The following ARMH3 variants were observed in gnomAD, a reference collection of about 807,000 sequenced individuals.
ARMH3 encodes armadillo like helical domain containing 3.
Under a neutral mutation model 99.1 loss-of-function variants are expected in ARMH3, and 60 were observed. That is an observed-to-expected ratio of 0.61 (90% confidence interval 0.49 to 0.75). The LOEUF (loss-of-function observed/expected upper bound fraction) is 0.75, where lower values mean the gene tolerates loss of function less well. Among genes scored for constraint, ARMH3 ranks in the 30% least tolerant of loss-of-function variants. The pLI is 0.00. For synonymous variants in ARMH3, 285 were observed against 292.8 expected (o/e 0.97, Z 0.27); for missense variants, 679 against 843.1 (o/e 0.81, Z 2.41).
chr10:101,939,471 A>G (rs949318056), intron 23 of ARMH3, among the ~76,000 whole-genome samples: 1 of 152,226 alleles, frequency 6.6e-6, no homozygotes, highest in Non-Finnish European at 1.5e-5. Context: ...CCATAAATAG[A>G]AATAGTCACG....
At chr10:101,932,815 A>T (rs867555262) in intron 23 of ARMH3, among the ~76,000 whole-genome samples, 5 of 152,222 alleles carry the variant, frequency 3.3e-5, no homozygotes, top group Non-Finnish European at 7.3e-5. Flanking sequence ...GAAGAAAAAG[A>T]AGTAGCCCTG....
chr10:102,048,106 G>A lies in ARMH3; in HGVS notation c.-12+7979C>T, dbSNP rs1230063560. On this transcript the variant is annotated intron_variant, in intron 1 of 25. Transcript: ENST00000370033. The stretch of plus-strand genomic sequence containing the variant: ...CCAGCCTTAAACCAGACTTGGAAAA[G>A]GAAGGAGTATCTAGACAGATGATAC... Among the ~76,000 whole-genome samples the A allele has an allele frequency of 2.6e-5, 4 of 152,332 alleles. No individual in the cohort carries two copies. The East Asian group carries it at 7.7e-4, about 29-fold the overall frequency.
chr10:101,870,411 GA>G (rs780112720), intron 24 of ARMH3, among the ~76,000 whole-genome samples: 27 of 152,128 alleles, frequency 1.8e-4, no homozygotes, highest in Non-Finnish European at 3.8e-4. Context: ...ATTTTACTTT[GA>G]AACACATTAA....
chr10:101,981,897 T>C (rs1483237097), intron 19 of ARMH3, among the ~76,000 whole-genome samples: 1 of 151,770 alleles, frequency 6.6e-6, no homozygotes, highest in African/African-American at 2.4e-5. Context: ...TGGGTGCCTG[T>C]AGTCCCAGGT....
chr10:101,900,724 GT>G (rs2067953599), intron 23 of ARMH3, among the ~76,000 whole-genome samples: 1 of 152,212 alleles, frequency 6.6e-6, no homozygotes. Context: ...GCTTATGCCT[GT>G]AATCCCAACA....
At chr10:101,985,250 G>GTA (rs773632171) in intron 19 of ARMH3, among the ~76,000 whole-genome samples, 13 of 146,536 alleles carry the variant, frequency 8.9e-5, no homozygotes, top group South Asian at 2.1e-4. Context: ...ATATACGTGT[G>GTA]TATATATATG....
At chr10:101,906,517 T>C (rs1196537835) in intron 23 of ARMH3, among the ~76,000 whole-genome samples, 1 of 152,156 alleles carries the variant, frequency 6.6e-6, no homozygotes, top group Admixed American at 6.5e-5. Flanking sequence ...TGAAATAAAA[T>C]AGTGGTTGTA....
Position 101,909,190 on chromosome 10 carries a change from T to C in ARMH3, c.1782-19700A>G, listed in dbSNP as rs1454156222. On this transcript the variant is annotated intron_variant, in intron 23 of 25. Coordinates refer to ENST00000370033, the MANE Select transcript of ARMH3 (RefSeq NM_024541.3). ...GGGAGATCGAGGCGGGCAGATCACT[T>C]GAGGCCAGGAGTTGGAGACCAGCCT... Among the ~76,000 whole-genome samples the C allele has an allele frequency of 2.6e-5, 4 of 151,726 alleles. No individual in the cohort carries two copies. The East Asian group carries it at 5.9e-4, about 23-fold the overall frequency.
chr10:102,053,040 ATCAATCTCAGAAG>A (rs1237831611), intron 1 of ARMH3, among the ~76,000 whole-genome samples: 1 of 152,204 alleles, frequency 6.6e-6, no homozygotes, highest in Admixed American at 6.5e-5. Flanking sequence ...AAGAAGTTGA[ATCAATCTCAGAAG>A]TACAGTATTT....
chr10:102,031,472 T>C (rs1283046331), intron 4 of ARMH3, among the ~76,000 whole-genome samples: 1 of 152,254 alleles, frequency 6.6e-6, no homozygotes, highest in Non-Finnish European at 1.5e-5. Flanking sequence ...CAATGAGCAC[T>C]GCAATTACTG....
intron 20 of ARMH3, among the ~76,000 whole-genome samples, chr10:101,964,362 G>C (rs1366565093): frequency 1.3e-5 from 2 of 152,096 alleles, no homozygotes; most frequent in Non-Finnish European, 2.9e-5. Context: ...ACTGGCCTAA[G>C]ATAATTAAAC....
chr10:102,019,789 G>T (rs1027731994), intron 8 of ARMH3, among the ~76,000 whole-genome samples: 6 of 151,902 alleles, frequency 3.9e-5, no homozygotes, highest in Non-Finnish European at 8.8e-5. Context: ...TTAGCCGGGC[G>T]TGGTGGCAGG....
At chr10:101,897,100 C>T (rs532368354) in intron 23 of ARMH3, among the ~76,000 whole-genome samples, 1 of 152,096 alleles carries the variant, frequency 6.6e-6, no homozygotes, top group South Asian at 2.1e-4. Context: ...TTGGAGTTGC[C>T]CACATTATTC....
chr10:101,968,654 G>A (rs866709090), intron 20 of ARMH3, among the ~76,000 whole-genome samples: 3 of 152,168 alleles, frequency 2.0e-5, no homozygotes, highest in Admixed American at 6.5e-5. Context: ...GGGCTTTTAC[G>A]TGGGAATCTT....
intron 23 of ARMH3, among the ~76,000 whole-genome samples, chr10:101,916,013 C>T (rs973665902): frequency 6.6e-6 from 1 of 151,934 alleles, no homozygotes; most frequent in South Asian, 2.1e-4. Flanking sequence ...ACCGTGTTAG[C>T]GAGGATGGTC....
chr10:101,937,219 T>C (rs544111220), intron 23 of ARMH3, among the ~76,000 whole-genome samples: 2 of 152,282 alleles, frequency 1.3e-5, no homozygotes, highest in Admixed American at 1.3e-4. Flanking sequence ...AACTTGGACT[T>C]AGAAGACCTA....
chr10:101,895,601 A>G (rs1182182073), intron 23 of ARMH3, among the ~76,000 whole-genome samples: 1 of 152,158 alleles, frequency 6.6e-6, no homozygotes, highest in African/African-American at 2.4e-5. Context: ...AAAATTCTTA[A>G]AAGTAAATCT....
intron 5 of ARMH3, among the ~76,000 whole-genome samples, chr10:102,028,110 C>G (rs2067040440): frequency 6.6e-6 from 1 of 151,152 alleles, no homozygotes; most frequent in South Asian, 2.1e-4. Flanking sequence ...TGTGCAGAAA[C>G]TTGAACCCTC....
At chr10:102,035,711 T>C (rs1044339751) in intron 2 of ARMH3, among the ~76,000 whole-genome samples, 4 of 152,236 alleles carry the variant, frequency 2.6e-5, no homozygotes, top group South Asian at 4.1e-4. Flanking sequence ...CAGCGCTCAA[T>C]GTTGCCCAGG....
Sources: gnomAD v4.1 joint callset for allele counts (sites outside exome capture counted in the v4.1 genomes callset) on GRCh38, gnomAD v4.1.1 for gene constraint, MANE v1.5 for transcripts, NCBI Gene and HGNC (gene_info 2026-07-23, HGNC 2026-07-21) for gene names.